Variants in TRDN observed in about 807,000 individuals in gnomAD.
TRDN encodes triadin in skeletal muscle.
TRDN carries 161 observed loss-of-function variants against 149.7 expected under a neutral mutation model. That is an observed-to-expected ratio of 1.08 (90% CI 0.95 to 1.23). The LOEUF is 1.23. Ranked by LOEUF, TRDN falls within the 50% of genes most tolerant of loss-of-function variation. The pLI, the probability that TRDN is intolerant of heterozygous loss-of-function variation, is 0.00. For synonymous variants in TRDN, 294 were observed against 250.5 expected, an observed-to-expected ratio of 1.17 and a Z score of -1.64; for missense variants, 896 against 823.5, an observed-to-expected ratio of 1.09 and a Z score of -1.08.
chr6:123,603,979 A>G (rs1784399938), intron 1 of TRDN, among the ~76,000 whole-genome samples: 1 of 152,164 alleles, frequency 6.6e-6, no homozygotes, highest in African/African-American at 2.4e-5. Flanking sequence ...TAGAGTTAAT[A>G]TTTTTATCAA....
At chr6:123,263,008 T>G (rs1776824395) in intron 33 of TRDN, among the ~76,000 whole-genome samples, 2 of 152,030 alleles carry the variant, frequency 1.3e-5, no homozygotes, top group South Asian at 2.1e-4. Flanking sequence ...TGCACATGGC[T>G]CACTTTAAAC....
At chr6:123,316,134 A>G (rs1452187267) in intron 24 of TRDN, among the ~76,000 whole-genome samples, 1 of 151,878 alleles carries the variant, frequency 6.6e-6, no homozygotes, top group African/African-American at 2.4e-5. Flanking sequence ...TCTGACATTT[A>G]AGGTGCCCTC....
At chr6:123,257,071 C>T (rs578177149) in intron 35 of TRDN, among the ~76,000 whole-genome samples, 1 of 151,582 alleles carries the variant, frequency 6.6e-6, no homozygotes, top group Non-Finnish European at 1.5e-5. Flanking sequence ...ACCTCTGCCT[C>T]TCAGGTTCAA....
intron 12 of TRDN, among the ~76,000 whole-genome samples, chr6:123,402,308 C>T (rs1042260386): frequency 6.6e-6 from 1 of 152,194 alleles, no homozygotes; most frequent in African/African-American, 2.4e-5. Context: ...GATCAGACCA[C>T]GTCCAAATAA....
At chr6:123,256,348 T>C (rs918678446) in intron 35 of TRDN, among the ~76,000 whole-genome samples, 7 of 152,174 alleles carry the variant, frequency 4.6e-5, no homozygotes, top group African/African-American at 1.7e-4. Context: ...TTGATGGGCA[T>C]GTGGGTTGGT....
chr6:123,351,211 G>GA, intron 21 of TRDN: 1 of 982,714 alleles, frequency 1.0e-6, no homozygotes, highest in Non-Finnish European at 1.2e-6. Flanking sequence ...GATTTTATAA[G>GA]AAAAAATGCC....
chr6:123,493,957 A>G (rs146520168), intron 9 of TRDN, among the ~76,000 whole-genome samples: 5 of 152,346 alleles, frequency 3.3e-5, no homozygotes, highest in Non-Finnish European at 5.9e-5. Flanking sequence ...GTACATTTAC[A>G]TAACATCATA....
At chr6:123,596,082 G>A (rs1000376649) in intron 1 of TRDN, among the ~76,000 whole-genome samples, 3 of 152,078 alleles carry the variant, frequency 2.0e-5, no homozygotes, top group Admixed American at 6.6e-5. Context: ...GCTAAGTTGT[G>A]AGTGCAAAGG....
intron 12 of TRDN, among the ~76,000 whole-genome samples, chr6:123,397,092 T>A (rs750165923): frequency 5.9e-5 from 9 of 152,128 alleles, no homozygotes; most frequent in Non-Finnish European, 1.0e-4. Context: ...TTAGAATAAG[T>A]TGGTAGAGAT....
chr6:123,412,163 G>A (rs377659120), intron 12 of TRDN, among the ~76,000 whole-genome samples: 1 of 152,096 alleles, frequency 6.6e-6, no homozygotes, highest in African/African-American at 2.4e-5. Flanking sequence ...GGAATCTTAT[G>A]TAGTTATTAG....
intron 32 of TRDN, among the ~76,000 whole-genome samples, 163 bp downstream of exon 32, chr6:123,267,544 A>G (rs966201891): frequency 2.6e-5 from 4 of 152,144 alleles, no homozygotes; most frequent in Non-Finnish European, 1.5e-5. Flanking sequence ...GATTGACAAC[A>G]ATATTGCCCT....
Position 123,260,621 on chromosome 6 carries a change from T to C in TRDN, c.1822A>G (p.Thr608Ala). 7.0e-7 allele frequency: 1 copy of C among 1,428,474 alleles called. No individual in the cohort carries two copies. The highest frequency in any genetic ancestry group is 9.2e-7 in the Non-Finnish European group (1 of 1,084,912). The allele number at this position is 1,428,474 out of a possible 1,614,324, so 88.5% of individuals were successfully genotyped here. A position where few individuals can be genotyped will look rare whatever the true frequency, so the allele number is the denominator to read the frequency against. Residue 608 changes from threonine (T) to alanine (A), a missense_variant, in exon 34 of 41, where the codon ACA becomes GCA. By Grantham distance (58) the Thr-to-Ala change is moderately conservative. Coordinates refer to ENST00000334268, the MANE Select transcript of TRDN (RefSeq NM_006073.4). ...AAAAGTAAATATTTACCTGATTCTG[T>C]GACTTCTGATGTTCCTTCTTTAGAA... ...KPTPKGTSEV[T>A]ESGKKKTEIS...
At chr6:123,565,475 T>C (rs1782235354) in intron 2 of TRDN, among the ~76,000 whole-genome samples, 1 of 152,214 alleles carries the variant, frequency 6.6e-6, no homozygotes, top group Admixed American at 6.5e-5. Flanking sequence ...GTTTCAGCTG[T>C]TAGATGATAT....
At chr6:123,291,785 T>C (rs1020357725) in intron 24 of TRDN, among the ~76,000 whole-genome samples, 2 of 152,182 alleles carry the variant, frequency 1.3e-5, no homozygotes, top group Non-Finnish European at 1.5e-5. Context: ...ATTTGCTAAA[T>C]TACCAGAAAA....
At chr6:123,574,269 A>G (rs950740335) in intron 1 of TRDN, among the ~76,000 whole-genome samples, 1 of 152,010 alleles carries the variant, frequency 6.6e-6, no homozygotes, top group African/African-American at 2.4e-5. Flanking sequence ...TGTGGAATAC[A>G]TATCCGAAGT....
At chr6:123,448,940 G>A (rs942140603) in intron 10 of TRDN, among the ~76,000 whole-genome samples, 8 of 152,102 alleles carry the variant, frequency 5.3e-5, no homozygotes, top group Admixed American at 6.5e-5. Flanking sequence ...CCGGGTAGAC[G>A]CGCTGGGTGG....
intron 9 of TRDN, chr6:123,471,308 C>T (rs189985700): frequency 6.6e-6 from 1 of 152,286 alleles, no homozygotes; most frequent in Admixed American, 6.5e-5. Flanking sequence ...ATTCACTCAG[C>T]AACTTATGAA....
chr6:123,227,422 A>G (rs1189056597), intron 38 of TRDN, among the ~76,000 whole-genome samples: 1 of 151,820 alleles, frequency 6.6e-6, no homozygotes, highest in Non-Finnish European at 1.5e-5. Flanking sequence ...GGACACTGAT[A>G]TTTGCTGGGG....
chr6:123,565,796 G>A (rs555172998), intron 2 of TRDN, among the ~76,000 whole-genome samples: 5 of 152,316 alleles, frequency 3.3e-5, no homozygotes, highest in Middle Eastern at 3.4e-3. Context: ...GGCCAGGTGC[G>A]CGTGCAGTTC....
Sources: allele counts gnomAD v4.1 joint callset (sites outside exome capture counted in the v4.1 genomes callset), GRCh38; gene constraint gnomAD v4.1.1; transcripts MANE v1.5; gene names NCBI Gene and HGNC (gene_info 2026-07-23, HGNC 2026-07-21).